SMAD9: variants seen among roughly 807,000 people sequenced by gnomAD.
The protein encoded by SMAD9 is MAD homolog 9.
In SMAD9, 36 loss-of-function variants were observed where a neutral mutation model predicts 46.1. That is an observed-to-expected ratio of 0.78 (90% confidence interval 0.60 to 1.03). SMAD9 has a LOEUF of 1.03. Ranked by LOEUF, SMAD9 falls within the 50% of genes least tolerant of loss-of-function variation. SMAD9 has a pLI of 0.00. For missense variants in SMAD9, 572 were observed against 599.8 expected (o/e 0.95, Z 0.48); for synonymous variants, 245 against 237.1 (o/e 1.03, Z -0.31).
chr13:36,859,870 G>T (rs2058163026), intron 5 of SMAD9, among the ~76,000 whole-genome samples: 1 of 151,780 alleles, frequency 6.6e-6, no homozygotes, highest in African/African-American at 2.4e-5. Flanking sequence ...TGAGGCAGGA[G>T]AATCGCTTGA....
At chr13:36,916,837 A>C (rs2058702017) in intron 1 of SMAD9, among the ~76,000 whole-genome samples, 1 of 151,504 alleles carries the variant, frequency 6.6e-6, no homozygotes, top group East Asian at 1.9e-4. Context: ...AGGGCATACA[A>C]GATGAAGAAG....
At chr13:36,875,324 A>C (rs2058335967) in intron 2 of SMAD9, among the ~76,000 whole-genome samples, 1 of 152,250 alleles carries the variant, frequency 6.6e-6, no homozygotes, top group Admixed American at 6.5e-5. Context: ...CTTTCTTAAC[A>C]AACAATAATT....
At chr13:36,890,039 A>C (rs1166614213) in intron 1 of SMAD9, among the ~76,000 whole-genome samples, 2 of 152,208 alleles carry the variant, frequency 1.3e-5, no homozygotes, top group African/African-American at 4.8e-5. Context: ...ATTCACAGAC[A>C]GCTTTTTCAG....
chr13:36,881,232 T>A (rs796301798), intron 1 of SMAD9, among the ~76,000 whole-genome samples: 6 of 152,342 alleles, frequency 3.9e-5, no homozygotes, highest in African/African-American at 1.4e-4. Flanking sequence ...AACCTCCTCC[T>A]CCTTCCAGAT....
Position 36,879,734 on chromosome 13 carries a change from C to T in SMAD9, c.-45G>A. On this transcript the variant is annotated 5_prime_UTR_variant, in exon 2 of 7. Coordinates refer to ENST00000379826, the MANE Select transcript of SMAD9 (RefSeq NM_001127217.3). ...CGGCGCGCACGGGAACCGCACAGCC[C>T]TTCACGGCAAAGTGGGCGGCGAGTA... The T allele has an allele frequency of 6.2e-7, 1 of 1,609,664 alleles. No homozygotes were observed. The highest frequency in any genetic ancestry group is 8.5e-7 in the Non-Finnish European group (1 of 1,178,932).
intron 3 of SMAD9, among the ~76,000 whole-genome samples, chr13:36,869,756 G>T (rs1009335936): frequency 2.6e-5 from 4 of 151,938 alleles, no homozygotes; most frequent in African/African-American, 9.7e-5. Context: ...TTGTACCTGG[G>T]AGGTGGAGGT....
intron 1 of SMAD9, among the ~76,000 whole-genome samples, chr13:36,918,145 G>A (rs1047457720): frequency 3.3e-5 from 5 of 152,006 alleles, no homozygotes; most frequent in African/African-American, 1.2e-4. Context: ...TTACTAACTA[G>A]GAATATATAA....
chr13:36,915,234 G>A (rs1473600751), intron 1 of SMAD9, among the ~76,000 whole-genome samples: 1 of 152,090 alleles, frequency 6.6e-6, no homozygotes, highest in African/African-American at 2.4e-5. Flanking sequence ...TTGAATGGCC[G>A]CAAGACCACA....
At chr13:36,918,075 A>G (rs551053868) in intron 1 of SMAD9, among the ~76,000 whole-genome samples, 4 of 152,158 alleles carry the variant, frequency 2.6e-5, no homozygotes, top group Non-Finnish European at 5.9e-5. Flanking sequence ...CTTCTTTCTC[A>G]TCCATGTCTT....
intron 5 of SMAD9, among the ~76,000 whole-genome samples, chr13:36,854,390 C>T (rs1289937350): frequency 2.0e-5 from 3 of 149,902 alleles, no homozygotes; most frequent in Non-Finnish European, 4.4e-5. Flanking sequence ...TTTTTTGAGA[C>T]GGAGTCTCGC....
At chr13:36,870,478 C>T (rs995345445) in intron 3 of SMAD9, among the ~76,000 whole-genome samples, 4 of 152,156 alleles carry the variant, frequency 2.6e-5, no homozygotes, top group African/African-American at 4.8e-5. Flanking sequence ...ACCTCCCTCC[C>T]CCAATTCACT....
intron 1 of SMAD9, among the ~76,000 whole-genome samples, chr13:36,900,262 C>G (rs1374935160): frequency 6.6e-6 from 1 of 151,998 alleles, no homozygotes; most frequent in Non-Finnish European, 1.5e-5. Flanking sequence ...CTTAGTGAAG[C>G]CTTCCCTATC....
rs1406904845 is a variant in SMAD9 at position 36,845,232 on chromosome 13, G to A, written c.*3444C>T. The A allele has an allele frequency of 6.6e-6, 1 of 151,834 alleles. No homozygotes were observed. Among genetic ancestry groups the A allele is most frequent in the Admixed American group, 6.6e-5 (1 of 15,244 alleles). The allele number at this position is 151,834 out of a possible 1,614,324, so 9.4% of individuals were successfully genotyped here. A position where few individuals can be genotyped will look rare whatever the true frequency, so the allele number is the denominator to read the frequency against. ...TGTTGCTGTTTTGTTGCTGTTATGG[G>A]AACATCCATATCCTTAGAAGACAAT... is the stretch of plus-strand genomic sequence containing the variant. On this transcript the variant is annotated 3_prime_UTR_variant, in exon 7 of 7. Coordinates refer to ENST00000379826, the MANE Select transcript of SMAD9 (RefSeq NM_001127217.3).
Position 36,870,726 on chromosome 13 carries a change from G to C in SMAD9, c.670+1932C>G, listed in dbSNP as rs571555623. Among the ~76,000 whole-genome samples the C allele has an allele frequency of 1.2e-4, 16 of 128,750 alleles. No individual in the cohort carries two copies. In the East Asian group the frequency reaches 3.1e-3, roughly 25 times the overall value. 84.5% of individuals were successfully genotyped at this position (128,750 alleles called of 152,430 possible). ...TATGTTTTTTTTCCTATACATACCT[G>C]TGATAAAGTTTAATTTATAAATTAA... is the stretch of plus-strand genomic sequence containing the variant. On this transcript the variant is annotated intron_variant, in intron 3 of 6. Transcript: ENST00000379826.
At chr13:36,913,286 C>T (rs932233339) in intron 1 of SMAD9, among the ~76,000 whole-genome samples, 1 of 152,138 alleles carries the variant, frequency 6.6e-6, no homozygotes, top group African/African-American at 2.4e-5. Flanking sequence ...ACGCTAACTA[C>T]ACTATGAAAT....
intron 5 of SMAD9, 136 bp downstream of exon 5, chr13:36,865,401 T>C: frequency 1.4e-6 from 1 of 720,812 alleles, no homozygotes; most frequent in Non-Finnish European, 2.5e-6. Flanking sequence ...GTCAGAGCTA[T>C]CTCAGAGCTC....
At chr13:36,876,017 A>G (rs1046124494) in intron 2 of SMAD9, among the ~76,000 whole-genome samples, 13 of 152,190 alleles carry the variant, frequency 8.5e-5, no homozygotes, top group African/African-American at 2.9e-4. Flanking sequence ...TGCACTGATC[A>G]TATTTTTAAA....
intron 1 of SMAD9, among the ~76,000 whole-genome samples, chr13:36,917,761 C>T (rs531372287): frequency 6.6e-6 from 1 of 152,284 alleles, no homozygotes; most frequent in African/African-American, 2.4e-5. Flanking sequence ...AACTGCTGTC[C>T]TATTTATTAC....
intron 6 of SMAD9, among the ~76,000 whole-genome samples, chr13:36,850,805 T>C (rs74826791): frequency 0.03 from 4,636 of 152,300 alleles, 272 homozygotes; most frequent in African/African-American, 0.11. Flanking sequence ...TCCAGACTCT[T>C]ATATCGAACT....
Sources: allele counts gnomAD v4.1 joint callset (sites outside exome capture counted in the v4.1 genomes callset), GRCh38; gene constraint gnomAD v4.1.1; transcripts MANE v1.5; gene names NCBI Gene and HGNC (gene_info 2026-07-23, HGNC 2026-07-21).